USP24: variants seen among roughly 807,000 people sequenced by gnomAD.
The protein encoded by USP24 is ubiquitin specific peptidase 24.
Under a neutral mutation model 361.6 loss-of-function variants are expected in USP24, and 97 were observed. The ratio of observed to expected loss-of-function variants is 0.27; its 90% CI spans 0.23 to 0.32. The LOEUF (loss-of-function observed/expected upper bound fraction) is 0.32, where lower values mean the gene tolerates loss of function less well. Among genes scored for constraint, USP24 ranks in the 10% least tolerant of loss-of-function variants. USP24 has a pLI of 1.00. For synonymous variants in USP24, 1,098 were observed against 1,124.6 expected (o/e 0.98, Z 0.47); for missense variants, 2,353 against 3,165.6 (o/e 0.74, Z 6.16).
chr1:55,170,382 A>G (rs1454243821), intron 5 of USP24, among the ~76,000 whole-genome samples: 1 of 152,172 alleles, frequency 6.6e-6, no homozygotes, highest in African/African-American at 2.4e-5. Context: ...AGCGCTCACT[A>G]GAGTGAACCA....
intron 38 of USP24, among the ~76,000 whole-genome samples, chr1:55,115,986 G>A (rs2100574502): frequency 6.6e-6 from 1 of 152,212 alleles, no homozygotes; most frequent in South Asian, 2.1e-4. Flanking sequence ...ATGGACACAG[G>A]GAGGGGAACA....
At chr1:55,072,544 T>A in intron 65 of USP24, 141 bp from the exon 66 acceptor site, 1 of 778,710 alleles carries the variant, frequency 1.3e-6, no homozygotes, top group Non-Finnish European at 2.0e-6. Flanking sequence ...CATAAAGCGA[T>A]TCAAGACCTC....
intron 38 of USP24, 113 bp from the exon 39 acceptor site, chr1:55,110,359 A>G (rs959542571): frequency 6.0e-6 from 5 of 828,098 alleles, no homozygotes; most frequent in South Asian, 4.4e-5. Flanking sequence ...TTTGGTAAGC[A>G]TAACTACTTT....
At position 55,067,808 on chromosome 1, in the gene USP24, T is replaced by G. The variant is rs923390783; in HGVS notation, c.*1237A>C. 1.3e-5 allele frequency: 2 copies of G among 152,128 alleles called. No homozygotes were observed. The highest frequency in any genetic ancestry group is 4.8e-5 in the African/African-American group (2 of 41,426). The allele number at this position is 152,128 out of a possible 1,614,324, so 9.4% of individuals were successfully genotyped here. Reference sequence around the variant, plus strand: ...AAATACAAAATGTACAAAATATATATGAAATATGTGGGTGTAAACCTCTCC... The same window carrying G: ...AAATACAAAATGTACAAAATATATAGGAAATATGTGGGTGTAAACCTCTCC... On this transcript the variant is annotated 3_prime_UTR_variant, in exon 68 of 68. Coordinates refer to ENST00000294383, the MANE Select transcript of USP24 (RefSeq NM_015306.3).
intron 62 of USP24, 38 bp downstream of exon 62, chr1:55,077,197 T>G (rs752496709): frequency 1.4e-6 from 2 of 1,438,718 alleles, no homozygotes; most frequent in South Asian, 1.5e-5. Flanking sequence ...GACTAATACA[T>G]TCCTAAATAA....
chr1:55,203,477 G>C (rs748880704), intron 1 of USP24, among the ~76,000 whole-genome samples: 2 of 152,174 alleles, frequency 1.3e-5, no homozygotes, highest in Non-Finnish European at 2.9e-5. Context: ...AGTTTCAACT[G>C]CTAGTTCTGC....
At chr1:55,090,997 T>C (rs1325334955) in intron 54 of USP24, among the ~76,000 whole-genome samples, 1 of 152,084 alleles carries the variant, frequency 6.6e-6, no homozygotes, top group Non-Finnish European at 1.5e-5. Context: ...GGTAGAAGAA[T>C]CGCTTGAACC....
intron 19 of USP24, 88 bp downstream of exon 19, chr1:55,146,841 A>G (rs973872501): frequency 6.6e-7 from 1 of 1,521,640 alleles, no homozygotes; most frequent in Non-Finnish European, 8.9e-7. Flanking sequence ...ATATAAACTG[A>G]AAAGTGTTTA....
At position 55,166,608 on chromosome 1, in the gene USP24, G is replaced by A. The variant is rs750241696; in HGVS notation, c.826-5C>T. The A allele has an allele frequency of 6.3e-7, 1 of 1,588,470 alleles. No individual in the cohort carries two copies. The highest frequency in any genetic ancestry group is 8.6e-7 in the Non-Finnish European group (1 of 1,166,934). On this transcript the variant is annotated splice_polypyrimidine_tract_variant and splice_region_variant and intron_variant, in intron 5 of 67. Transcript: ENST00000294383. ...CACAACCCATCCATGAGGCTCCTAT[G>A]AGAAAAGAAAAACAAAATTGAGATG... is the stretch of plus-strand genomic sequence containing the variant.
intron 31 of USP24, among the ~76,000 whole-genome samples, chr1:55,130,767 C>T (rs1208382932): frequency 2.0e-5 from 3 of 152,176 alleles, no homozygotes; most frequent in African/African-American, 7.2e-5. Context: ...TGACAGGTTT[C>T]CTCAAAGACA....
At chr1:55,163,180 A>C (rs1290089760) in intron 7 of USP24, among the ~76,000 whole-genome samples, 1 of 152,008 alleles carries the variant, frequency 6.6e-6, no homozygotes, top group Admixed American at 6.5e-5. Context: ...AAAAATATGA[A>C]AGTATAAAAA....
intron 41 of USP24, among the ~76,000 whole-genome samples, chr1:55,104,296 G>C (rs1319584181): frequency 1.3e-5 from 2 of 152,130 alleles, no homozygotes; most frequent in Admixed American, 6.6e-5. Context: ...GGAGGAGAAA[G>C]AGTAAAGAGA....
At chr1:55,076,924 G>A (rs900210329) in intron 62 of USP24, among the ~76,000 whole-genome samples, 6 of 152,222 alleles carry the variant, frequency 3.9e-5, no homozygotes, top group East Asian at 1.9e-4. Context: ...GCGCTAACAC[G>A]ATGCCTTCTC....
intron 30 of USP24, among the ~76,000 whole-genome samples, chr1:55,133,235 A>C (rs980805677): frequency 1.3e-5 from 2 of 152,256 alleles, no homozygotes; most frequent in African/African-American, 4.8e-5. Flanking sequence ...TAATTAAACA[A>C]TATTATAGAT....
At chr1:55,183,552 G>A (rs186930087) in intron 1 of USP24, among the ~76,000 whole-genome samples, 3 of 152,106 alleles carry the variant, frequency 2.0e-5, no homozygotes, top group African/African-American at 7.2e-5. Context: ...TGATACACCA[G>A]AAAATATGTA....
chr1:55,158,630 G>A (rs1278905722), intron 10 of USP24, among the ~76,000 whole-genome samples: 1 of 152,150 alleles, frequency 6.6e-6, no homozygotes, highest in African/African-American at 2.4e-5. Context: ...TATTCTAAGG[G>A]ATTATATTCT....
At chr1:55,162,413 G>A (rs1412588104) in intron 7 of USP24, 149 bp from the exon 8 acceptor site, 2 of 525,644 alleles carry the variant, frequency 3.8e-6, no homozygotes, top group Non-Finnish European at 6.3e-6. Context: ...TAAACTCCTG[G>A]ATAGAAAGAA....
chr1:55,092,709 A>T, intron 53 of USP24, 112 bp downstream of exon 53: 1 of 778,408 alleles, frequency 1.3e-6, no homozygotes, highest in Non-Finnish European at 2.0e-6. Context: ...ACCTTTTTGC[A>T]TCTAACCTGA....
In USP24 at chr1:55,083,863, T is replaced by A. The variant is rs1645199361; in HGVS notation, c.6791A>T (p.Glu2264Val). Reference protein sequence around the residue: ...DKLKSLHQLLEVLLALLDKDV... With the variant: ...DKLKSLHQLLVVLLALLDKDV... Reference sequence around the variant, plus strand: ...TTTGTCCAACAGAGCAAGTAGTACCTCCAGTAACTGATGAAGGCTTTTTAA... The same window carrying A: ...TTTGTCCAACAGAGCAAGTAGTACCACCAGTAACTGATGAAGGCTTTTTAA... The change falls in exon 57 of 68, where the codon GAG becomes GTG. Residue 2264 changes from glutamate to valine, a missense_variant. By Grantham distance (121) the Glu-to-Val change is moderately radical (BLOSUM62 -2). This residue lies in a region of USP24 where 598 missense variants were observed against 761.9 expected (regional missense o/e 0.78). Transcript: ENST00000294383. 3.1e-6 allele frequency: 5 copies of A among 1,601,242 alleles called. No individual in the cohort carries two copies. Among genetic ancestry groups the A allele is most frequent in the Non-Finnish European group, 4.3e-6 (5 of 1,173,676 alleles).
Sources: gnomAD v4.1 joint callset for allele counts (sites outside exome capture counted in the v4.1 genomes callset) on GRCh38, gnomAD v4.1.1 for gene constraint, gnomAD v4.1.1 regional missense constraint, MANE v1.5 for transcripts, NCBI Gene and HGNC (gene_info 2026-07-23, HGNC 2026-07-21) for gene names.